GLI3: variants seen among roughly 807,000 people sequenced by gnomAD.
The protein encoded by GLI3 is GLI family zinc finger 3, also known as transcription activator GLI3.
In GLI3, 20 loss-of-function variants were observed where a neutral mutation model predicts 100.8. The ratio of observed to expected loss-of-function variants is 0.20; its 90% CI spans 0.14 to 0.29. The LOEUF is 0.29. Ranked by LOEUF, GLI3 falls within the 10% of genes least tolerant of loss-of-function variation. GLI3 has a pLI of 1.00. For missense variants in GLI3, 2,040 were observed against 2,128.5 expected (o/e 0.96, Z 0.82); for synonymous variants, 938 against 860.5 (o/e 1.09, Z -1.58).
chr7:42,261,585 T>C (rs539311845), intron 1 of GLI3, among the ~76,000 whole-genome samples: 1 of 152,316 alleles, frequency 6.6e-6, no homozygotes, highest in African/African-American at 2.4e-5. Flanking sequence ...CAAGGAAAGA[T>C]TTCATAAGTC....
Position 42,025,322 on chromosome 7 carries a change from T to C in GLI3, c.1298A>G (p.Lys433Arg). The C allele has an allele frequency of 1.2e-6, 2 of 1,614,190 alleles. No individual in the cohort carries two copies. Among genetic ancestry groups the C allele is most frequent in the Non-Finnish European group, 1.7e-6 (2 of 1,180,024 alleles). The change falls in exon 9 of 15, where the codon AAG (lysine) becomes AGG (arginine). Residue 433 changes from lysine to arginine, a missense_variant. Physicochemically the swap from Lys to Arg is conservative, Grantham distance 26. This residue lies in a region of GLI3 where 603 missense variants were observed against 690.9 expected (regional missense o/e 0.87). Coordinates refer to ENST00000395925, the MANE Select transcript of GLI3 (RefSeq NM_000168.6). ...TTCATCGGGTTTGATCTTGGACCTC[T>C]TGTTGTGCATCGGGTCACCAGTGCT... ...VSSTGDPMHN[K>R]RSKIKPDEDL...
At chr7:42,198,129 G>A (rs1787967814) in intron 2 of GLI3, among the ~76,000 whole-genome samples, 1 of 152,064 alleles carries the variant, frequency 6.6e-6, no homozygotes, top group African/African-American at 2.4e-5. Context: ...AATATTTATT[G>A]AGCCCCTGCA....
chr7:42,050,599 A>G (rs1784334227), intron 4 of GLI3, among the ~76,000 whole-genome samples: 1 of 152,220 alleles, frequency 6.6e-6, no homozygotes, highest in Non-Finnish European at 1.5e-5. Flanking sequence ...ATCTGATTCT[A>G]AACACAGACT....
At chr7:42,113,207 G>T (rs1269484934) in intron 3 of GLI3, among the ~76,000 whole-genome samples, 1 of 152,094 alleles carries the variant, frequency 6.6e-6, no homozygotes, top group Admixed American at 6.6e-5. Context: ...GAATGCCAGG[G>T]ATGCTCGTAT....
At position 41,966,247 on chromosome 7, in the gene GLI3, C is replaced by T. The variant is rs34245321; in HGVS notation, c.2826G>A (p.Pro942=). 3 of 1,608,182 alleles carry T rather than the reference C, an allele frequency of 1.9e-6. No homozygotes were observed. The highest frequency in any genetic ancestry group is 2.5e-6 in the Non-Finnish European group (3 of 1,179,064). Residue 942 remains proline (P), a synonymous_variant, in exon 15 of 15, where the codon CCG becomes CCA. Coordinates refer to ENST00000395925, the MANE Select transcript of GLI3 (RefSeq NM_000168.6). The surrounding 1 kb of genome is among the most constrained non-coding windows in gnomAD (Gnocchi z 5.8). The part of the protein sequence containing the change: ...KYAAATGGPP[P]TPLPNMERMS... ...TCCTCTCCATGTTGGGCAGGGGCGT[C>T]GGCGGCGGCCCTCCTGTGGCAGCCG...
At chr7:42,217,302 G>C (rs1433229916) in intron 2 of GLI3, among the ~76,000 whole-genome samples, 1 of 152,190 alleles carries the variant, frequency 6.6e-6, no homozygotes, top group Non-Finnish European at 1.5e-5. Context: ...CACAGGAAAG[G>C]TGATATACTT....
chr7:42,004,079 A>G (rs1788384208), intron 10 of GLI3, among the ~76,000 whole-genome samples: 1 of 152,188 alleles, frequency 6.6e-6, no homozygotes, highest in African/African-American at 2.4e-5. Flanking sequence ...ACTTGAGATA[A>G]AAGTCTTAGA....
chr7:42,141,560 T>A (rs1293831224), intron 3 of GLI3, among the ~76,000 whole-genome samples: 1 of 151,994 alleles, frequency 6.6e-6, no homozygotes, highest in Non-Finnish European at 1.5e-5. Flanking sequence ...TAATCCCAGC[T>A]GCTTGGGAGG....
intron 1 of GLI3, among the ~76,000 whole-genome samples, chr7:42,245,939 G>A (rs1049612801): frequency 6.6e-6 from 1 of 151,040 alleles, no homozygotes; most frequent in African/African-American, 2.4e-5. Flanking sequence ...AGGGGAGATA[G>A]ACCATAAGGA....
At chr7:42,112,894 C>T (rs1271140651) in intron 3 of GLI3, among the ~76,000 whole-genome samples, 14 of 152,014 alleles carry the variant, frequency 9.2e-5, no homozygotes, top group African/African-American at 3.4e-4. Context: ...TAAATAGGGC[C>T]GGGTGTAGTG....
In GLI3 at chr7:42,025,409, A is replaced by G. The variant is rs868691692; in HGVS notation, c.1243-32T>C. The G allele has an allele frequency of 2.0e-6, 3 of 1,497,178 alleles. No individual in the cohort carries two copies. The Middle Eastern group carries it at 5.1e-4, about 254-fold the overall frequency. 92.7% of individuals were successfully genotyped at this position (1,497,178 alleles called of 1,614,324 possible). On this transcript the variant is annotated intron_variant, in intron 8 of 14. Transcript: ENST00000395925. ...GTCACATTTGCAGAGCCAGAGACAA[A>G]AAGATTTTCATCAACAAGGAGCAGT...
rs1562725064 is a variant in GLI3, at chr7:42,092,831, A to ATT, written c.368-15975_368-15974insAA. Among the ~76,000 whole-genome samples, 668 of 149,652 alleles carry ATT rather than the reference A, an allele frequency of 4.5e-3. 4 individuals carry two copies. The highest frequency in any genetic ancestry group is 8.8e-3 in the South Asian group (42 of 4,788). On this transcript the variant is annotated intron_variant, in intron 3 of 14. Transcript: ENST00000395925. ...TTTATTTATGTATTTATGTATTTATAGAGACGGAGTCTTGCTCTGTTGCCC... is the reference window on the plus strand; with the variant it reads ...TTTATTTATGTATTTATGTATTTATATTGAGACGGAGTCTTGCTCTGTTGCCC...
rs533400417 is a variant in GLI3, at chr7:42,131,450, C to T, written c.367+16776G>A. ...CACTTGTTCGTAATGCTAGACACAT[C>T]GCCATTGGGTGATTTAAGAATTTAG... On this transcript the variant is annotated intron_variant, in intron 3 of 14. Transcript: ENST00000395925. Among the ~76,000 whole-genome samples, 82 of 152,256 alleles carry T rather than the reference C, an allele frequency of 5.4e-4. No individual in the cohort carries two copies. The South Asian group carries it at 0.016, about 29-fold the overall frequency.
chr7:42,230,012 G>C (rs1045329377), intron 1 of GLI3, among the ~76,000 whole-genome samples: 1 of 133,666 alleles, frequency 7.5e-6, no homozygotes, highest in Non-Finnish European at 1.5e-5. Context: ...CATAACCTTT[G>C]TGACACTCTA....
In GLI3 at chr7:42,058,747, C is replaced by T. The variant is rs116193338; in HGVS notation, c.474-10051G>A. Among the ~76,000 whole-genome samples, 663 of 152,278 alleles carry T rather than the reference C, an allele frequency of 4.4e-3. 5 individuals carry two copies. The highest frequency in any genetic ancestry group is 0.015 in the African/African-American group (609 of 41,554). On this transcript the variant is annotated intron_variant, in intron 4 of 14. Transcript: ENST00000395925. ...AGTCATGTTCTTCCAACAACTGAAA[C>T]AATGTTATACAAGTATCACTGTACA...
intron 4 of GLI3, among the ~76,000 whole-genome samples, chr7:42,074,744 T>A (rs948823809): frequency 2.6e-5 from 4 of 152,126 alleles, no homozygotes; most frequent in Admixed American, 1.3e-4. Context: ...AGCTCACCAT[T>A]CTCTGTGCCC....
At position 41,964,703 on chromosome 7, in the gene GLI3, G is replaced by T; in HGVS notation, c.4370C>A (p.Ala1457Asp). ...TVGFSQQDTK[A>D]GSFSISDASC... Reference sequence around the variant, plus strand: ...GGCGTCTGAAATAGAGAATGAACCAGCTTTCGTGTCTTGCTGACTGAAGCC... The same window carrying T: ...GGCGTCTGAAATAGAGAATGAACCATCTTTCGTGTCTTGCTGACTGAAGCC... The change falls in exon 15 of 15, where the codon GCT (alanine) becomes GAT (aspartate). Residue 1457 changes from alanine (A) to aspartate (D), a missense_variant. By Grantham distance (126) the Ala-to-Asp change is moderately radical. This residue lies in a region of GLI3 where 1,041 missense variants were observed against 924.0 expected (regional missense o/e 1.13). Transcript: ENST00000395925. 1 of 1,614,186 alleles carries T rather than the reference G, an allele frequency of 6.2e-7. No individual in the cohort carries two copies. The highest frequency in any genetic ancestry group is 8.5e-7 in the Non-Finnish European group (1 of 1,180,002).
chr7:42,160,769 G>C (rs1168891349), intron 2 of GLI3, among the ~76,000 whole-genome samples: 1 of 152,158 alleles, frequency 6.6e-6, no homozygotes, highest in Non-Finnish European at 1.5e-5. Flanking sequence ...AAAAAGGATG[G>C]TGCAGAAGAG....
At chr7:42,032,765 TA>T (rs990618744) in intron 7 of GLI3, among the ~76,000 whole-genome samples, 20 of 151,946 alleles carry the variant, frequency 1.3e-4, no homozygotes, top group African/African-American at 4.8e-4. Flanking sequence ...TGTTTTTATA[TA>T]AAAATAAAGA....
Sources: allele counts gnomAD v4.1 joint callset (sites outside exome capture counted in the v4.1 genomes callset), GRCh38; gene constraint gnomAD v4.1.1; regional missense constraint gnomAD v4.1.1; non-coding constraint Gnocchi (gnomAD v3.1); transcripts MANE v1.5; gene names NCBI Gene and HGNC (gene_info 2026-07-23, HGNC 2026-07-21).